Variants in CSGALNACT1 observed in about 807,000 individuals in gnomAD.
CSGALNACT1 encodes beta4GalNAcT-1.
CSGALNACT1 carries 52 observed loss-of-function variants against 51.0 expected under a neutral mutation model. The observed-to-expected ratio is 1.02, with a 90% CI of 0.82 to 1.29. The LOEUF (loss-of-function observed/expected upper bound fraction) is 1.29, where lower values mean the gene tolerates loss of function less well. CSGALNACT1 is among the 50% of genes most tolerant of loss of function. CSGALNACT1 has a pLI of 0.00. For missense variants in CSGALNACT1, 935 were observed against 679.2 expected (o/e 1.38, Z -4.19); for synonymous variants, 341 against 254.4 (o/e 1.34, Z -3.24).
chr8:19,633,004 G>C (rs956968367), intron 1 of CSGALNACT1, among the ~76,000 whole-genome samples: 1 of 151,268 alleles, frequency 6.6e-6, no homozygotes, highest in Admixed American at 6.6e-5. Flanking sequence ...TTGGGCTCAA[G>C]GGATCTGCCC....
At chr8:19,743,702 A>C (rs1280491420) in intron 1 of CSGALNACT1, among the ~76,000 whole-genome samples, 1 of 152,182 alleles carries the variant, frequency 6.6e-6, no homozygotes, top group African/African-American at 2.4e-5. Flanking sequence ...TCCCAACATC[A>C]TTGTAATTTA....
exon 10 of CSGALNACT1, chr8:19,405,470 A>G (rs1563235482): frequency 1.9e-6 from 1 of 536,956 alleles, no homozygotes; most frequent in Non-Finnish European, 3.5e-6. Context: ...CAATGAGCAC[A>G]CAAAACAACA....
chr8:19,693,051 G>A (rs1200442297), intron 1 of CSGALNACT1, among the ~76,000 whole-genome samples: 2 of 152,152 alleles, frequency 1.3e-5, no homozygotes, highest in Non-Finnish European at 2.9e-5. Flanking sequence ...CTCCATCCCT[G>A]ACCCAGCCTT....
intron 1 of CSGALNACT1, among the ~76,000 whole-genome samples, chr8:19,698,617 T>G (rs1386188855): frequency 6.6e-6 from 1 of 152,198 alleles, no homozygotes; most frequent in Non-Finnish European, 1.5e-5. Flanking sequence ...AAAACTTACC[T>G]ATGTACCTCA....
intron 1 of CSGALNACT1, among the ~76,000 whole-genome samples, chr8:19,648,232 C>G (rs572034103): frequency 6.6e-5 from 10 of 152,274 alleles, no homozygotes; most frequent in Admixed American, 6.5e-4. Flanking sequence ...TCCAAAGAAT[C>G]TAGCAACATT....
chr8:19,440,340 T>C (rs930224800), intron 5 of CSGALNACT1, among the ~76,000 whole-genome samples: 30 of 151,976 alleles, frequency 2.0e-4, no homozygotes, highest in South Asian at 4.2e-4. Flanking sequence ...CAAACCGAAT[T>C]CAGCAGCACA....
At chr8:19,739,563 A>G (rs1159362661) in intron 1 of CSGALNACT1, among the ~76,000 whole-genome samples, 1 of 152,234 alleles carries the variant, frequency 6.6e-6, no homozygotes, top group East Asian at 1.9e-4. Context: ...AGAGCTAGGC[A>G]TGACCACACA....
chr8:19,710,874 C>T (rs1447464284), intron 1 of CSGALNACT1, among the ~76,000 whole-genome samples: 1 of 152,140 alleles, frequency 6.6e-6, no homozygotes, highest in Non-Finnish European at 1.5e-5. Flanking sequence ...GTCTCTTTCA[C>T]ATTCTCTTTC....
intron 1 of CSGALNACT1, among the ~76,000 whole-genome samples, chr8:19,662,644 G>A (rs1286264750): frequency 6.6e-6 from 1 of 152,192 alleles, no homozygotes; most frequent in East Asian, 1.9e-4. Context: ...AAATCCTGAA[G>A]TGAAACATCT....
intron 1 of CSGALNACT1, among the ~76,000 whole-genome samples, chr8:19,656,048 C>A (rs572144103): frequency 1.1e-4 from 17 of 152,076 alleles, no homozygotes; most frequent in Non-Finnish European, 1.8e-4. Context: ...GAAGGGGGTA[C>A]ATCACAAGCC....
At chr8:19,660,176 A>T (rs2058637562) in intron 1 of CSGALNACT1, among the ~76,000 whole-genome samples, 1 of 152,210 alleles carries the variant, frequency 6.6e-6, no homozygotes, top group South Asian at 2.1e-4. Flanking sequence ...CCACATCGAT[A>T]CAGGGCATTC....
At chr8:19,456,295 T>G (rs935229380) in intron 5 of CSGALNACT1, among the ~76,000 whole-genome samples, 1 of 152,182 alleles carries the variant, frequency 6.6e-6, no homozygotes, top group Non-Finnish European at 1.5e-5. Context: ...ACCGAGCAGA[T>G]ACTTCTTTAG....
intron 1 of CSGALNACT1, among the ~76,000 whole-genome samples, chr8:19,667,821 G>A (rs974467390): frequency 1.3e-4 from 20 of 152,204 alleles, no homozygotes; most frequent in African/African-American, 4.3e-4. Context: ...TTCATTATAA[G>A]GGTATTACAT....
intron 3 of CSGALNACT1, among the ~76,000 whole-genome samples, chr8:19,560,766 G>C (rs902941371): frequency 5.9e-5 from 9 of 152,216 alleles, no homozygotes; most frequent in African/African-American, 1.2e-4. Context: ...GACAGATGCA[G>C]AGATGCGTAT....
chr8:19,575,411 C>G (rs1392545471), intron 3 of CSGALNACT1, among the ~76,000 whole-genome samples: 1 of 152,170 alleles, frequency 6.6e-6, no homozygotes, highest in African/African-American at 2.4e-5. Context: ...GAAGCTGAAT[C>G]TAATCAAGTT....
intron 1 of CSGALNACT1, among the ~76,000 whole-genome samples, chr8:19,712,314 C>T (rs753770179): frequency 2.0e-5 from 3 of 152,044 alleles, no homozygotes; most frequent in African/African-American, 4.8e-5. Flanking sequence ...CGTGAGCCAC[C>T]GCGCCTGGCC....
intron 1 of CSGALNACT1, among the ~76,000 whole-genome samples, chr8:19,617,646 T>C (rs1351449470): frequency 6.6e-6 from 1 of 152,242 alleles, no homozygotes; most frequent in Non-Finnish European, 1.5e-5. Context: ...AGGATAATTC[T>C]GAACAAGAAG....
At chr8:19,416,736 T>A (rs1198207045) in intron 8 of CSGALNACT1, among the ~76,000 whole-genome samples, 1 of 152,238 alleles carries the variant, frequency 6.6e-6, no homozygotes, top group South Asian at 2.1e-4. Flanking sequence ...ACAGCCTACG[T>A]GTGTAGTTGG....
Position 19,549,959 on chromosome 8 carries a change from G to T in CSGALNACT1, c.-297+41201C>A, listed in dbSNP as rs1397241717. Among the ~76,000 whole-genome samples, 4 of 151,974 alleles carry T rather than the reference G, an allele frequency of 2.6e-5. No homozygotes were observed. In the East Asian group the frequency reaches 7.7e-4, roughly 29 times the overall value. ...TACCTTTTCTCTGTTAAACATTTTT[G>T]GGAAATCTCTTTTTGTTTTTAATTC... On this transcript the variant is annotated intron_variant, in intron 3 of 9. Transcript: ENST00000454498.
Sources: allele counts gnomAD v4.1 joint callset (sites outside exome capture counted in the v4.1 genomes callset), GRCh38; gene constraint gnomAD v4.1.1; transcripts MANE v1.5; gene names NCBI Gene and HGNC (gene_info 2026-07-23, HGNC 2026-07-21).